The following CEP350 variants were observed in gnomAD, a reference collection of about 807,000 sequenced individuals.
CEP350 encodes the protein centrosomal protein 350.
Under a neutral mutation model 331.8 loss-of-function variants are expected in CEP350, and 126 were observed. The observed-to-expected ratio is 0.38, with a 90% CI of 0.33 to 0.44. CEP350 has a LOEUF of 0.44. Ranked by LOEUF, CEP350 falls within the 20% of genes least tolerant of loss-of-function variation. The probability of loss-of-function intolerance (pLI) is 1.00; values close to 1 mark genes in which losing one functional copy is unlikely to be tolerated. For missense variants in CEP350, 3,406 were observed against 3,634.6 expected (o/e 0.94, Z 1.62); for synonymous variants, 1,200 against 1,259.5 (o/e 0.95, Z 1.00).
At chr1:180,084,900 T>C (rs975852493) in intron 31 of CEP350, among the ~76,000 whole-genome samples, 1 of 151,894 alleles carries the variant, frequency 6.6e-6, no homozygotes, top group Non-Finnish European at 1.5e-5. Flanking sequence ...TAAAATAAAG[T>C]ATTAGATTTT....
At chr1:179,972,913 G>A (rs1370482766) in intron 1 of CEP350, among the ~76,000 whole-genome samples, 3 of 151,116 alleles carry the variant, frequency 2.0e-5, no homozygotes, top group African/African-American at 7.3e-5. Flanking sequence ...CTGTCGCCAG[G>A]CTGGAGTGCA....
At position 180,053,024 on chromosome 1, in the gene CEP350, A is replaced by G. The variant is rs1657608971; in HGVS notation, c.4847A>G (p.Glu1616Gly). 1 of 1,510,536 alleles carries G rather than the reference A, an allele frequency of 6.6e-7. No homozygotes were observed. Among genetic ancestry groups the G allele is most frequent in the Non-Finnish European group, 9.2e-7 (1 of 1,088,920 alleles). The allele number at this position is 1,510,536 out of a possible 1,614,324, so 93.6% of individuals were successfully genotyped here. A position where few individuals can be genotyped will look rare whatever the true frequency, so the allele number is the denominator to read the frequency against. Residue 1616 changes from glutamate to glycine, a missense_variant, in exon 23 of 38, where the codon GAA becomes GGA. Glu to Gly is a moderately conservative substitution (Grantham distance 98, BLOSUM62 -2). Coordinates refer to ENST00000367607, the MANE Select transcript of CEP350 (RefSeq NM_014810.5). ...CTGAAATTTGATGAATCCATGACAG[A>G]AGATGAAATAGAAGAACAATCATTT... Reference protein sequence around the residue: ...YSLKFDESMTEDEIEEQSFRS... With the variant: ...YSLKFDESMTGDEIEEQSFRS...
In CEP350 at chr1:180,093,453, G is replaced by T. The variant is rs1304428894; in HGVS notation, c.7348G>T (p.Val2450Phe). The T allele has an allele frequency of 6.2e-7, 1 of 1,605,998 alleles. No individual in the cohort carries two copies. Among genetic ancestry groups the T allele is most frequent in the African/African-American group, 1.3e-5 (1 of 74,944 alleles). The part of the protein sequence containing the change: ...SEKSLSIHSN[V>F]HSDRLLELKS... ...GAAAAGCCTTTCTATCCATAGCAAT[G>T]TTCATTCTGACAGGCTGTTGGAACT... Residue 2450 changes from valine to phenylalanine, a missense_variant, in exon 34 of 38, where the codon GTT becomes TTT. Around this residue, in one of 5 missense-constraint regions of CEP350, gnomAD observed 1,415 missense variants for 1,512.3 expected, o/e 0.94. Transcript: ENST00000367607.
chr1:180,068,583 G>T (rs995472298), intron 27 of CEP350, among the ~76,000 whole-genome samples: 1 of 152,094 alleles, frequency 6.6e-6, no homozygotes, highest in Admixed American at 6.5e-5. Context: ...GCAATTGACT[G>T]TTCCTGTTTA....
chr1:180,084,230 G>A (rs370029197), intron 31 of CEP350, 52 bp downstream of exon 31: 44 of 1,416,292 alleles, frequency 3.1e-5, no homozygotes, highest in African/African-American at 1.6e-4. Flanking sequence ...TGTATGTGAC[G>A]TCTAAAATGT....
At position 180,053,818 on chromosome 1, in the gene CEP350, G is replaced by T. The variant is rs1328916881; in HGVS notation, c.5058G>T (p.Gln1686His). The T allele has an allele frequency of 6.2e-7, 1 of 1,611,522 alleles. No individual in the cohort carries two copies. The highest frequency in any genetic ancestry group is 1.3e-5 in the African/African-American group (1 of 74,870). Residue 1686 changes from glutamine (Q) to histidine (H), a missense_variant, in exon 24 of 38, where the codon CAG becomes CAT. This residue lies in a region of CEP350 where 104 missense variants were observed against 143.3 expected (regional missense o/e 0.73). Transcript: ENST00000367607. ...FSKFTMEMVRQYMKEEEMRAA... is the reference protein window; with the variant it reads ...FSKFTMEMVRHYMKEEEMRAA... Reference sequence around the variant, plus strand: ...AATTTACTATGGAGATGGTTCGACAGTATATGAAAGAGGAAGAAATGAGGG... The same window carrying T: ...AATTTACTATGGAGATGGTTCGACATTATATGAAAGAGGAAGAAATGAGGG...
At chr1:180,022,966 A>G in intron 13 of CEP350, 118 bp downstream of exon 13, 1 of 906,656 alleles carries the variant, frequency 1.1e-6, no homozygotes, top group South Asian at 1.9e-5. Flanking sequence ...TAGAGGCTGC[A>G]CATCATAGTG....
rs1653492324 is a variant in CEP350, at chr1:179,996,888, C to T, written c.731C>T (p.Ala244Val). 1 of 1,613,940 alleles carries T rather than the reference C, an allele frequency of 6.2e-7. No individual in the cohort carries two copies. The highest frequency in any genetic ancestry group is 1.6e-4 in the Middle Eastern group (1 of 6,062). The change falls in exon 6 of 38, where the codon GCC becomes GTC. Residue 244 changes from alanine to valine, a missense_variant. Around this residue, in one of 5 missense-constraint regions of CEP350, gnomAD observed 1,857 missense variants for 1,909.2 expected, o/e 0.97. Transcript: ENST00000367607. ...TTGAAGCTTTCTGTGAATAACATGG[C>T]CCATGATACTGATCCAAAAGCGTTA... is the stretch of plus-strand genomic sequence containing the variant. The part of the protein sequence containing the change: ...NNLKLSVNNM[A>V]HDTDPKALRL...
At position 180,024,599 on chromosome 1, in the gene CEP350, A is replaced by G. The variant is rs577678342; in HGVS notation, c.3550+17A>G. 3.6e-4 allele frequency: 571 copies of G among 1,594,650 alleles called. No individual in the cohort carries two copies. The highest frequency in any genetic ancestry group is 3.0e-5 in the Non-Finnish European group (35 of 1,171,150). ...AGACAGAATGTAAGTGGAATTCCAC[A>G]TGGTAACTTTTTCTCTTACCAATGA... On this transcript the variant is annotated intron_variant, in intron 14 of 37. Transcript: ENST00000367607.
intron 27 of CEP350, among the ~76,000 whole-genome samples, chr1:180,072,501 TA>T (rs1285147956): frequency 6.6e-6 from 1 of 152,208 alleles, no homozygotes; most frequent in African/African-American, 2.4e-5. Context: ...AATATTTTGA[TA>T]ATTGGCATCA....
intron 37 of CEP350, among the ~76,000 whole-genome samples, chr1:180,106,213 A>T (rs1252429527): frequency 6.6e-6 from 1 of 152,086 alleles, no homozygotes; most frequent in Non-Finnish European, 1.5e-5. Context: ...TTGTAGTAGG[A>T]CCACCTAGCT....
At position 180,096,152 on chromosome 1, in the gene CEP350, G is replaced by A. The variant is rs931052186; in HGVS notation, c.9034G>A (p.Val3012Met). ...AATCAACTCTAGTTATTTCCGACGA[G>A]TGAAAAATCCAAATAACCTTGATGA... ...CRINSSYFRRVKNPNNLDEIK... is the reference protein window; with the variant it reads ...CRINSSYFRRMKNPNNLDEIK... The change falls in exon 36 of 38, where the codon GTG becomes ATG. Residue 3012 changes from valine to methionine, a missense_variant. Physicochemically the swap from Val to Met is conservative, Grantham distance 21 (BLOSUM62 1). Around this residue, in one of 5 missense-constraint regions of CEP350, gnomAD observed 1,415 missense variants for 1,512.3 expected, o/e 0.94. Coordinates refer to ENST00000367607, the MANE Select transcript of CEP350 (RefSeq NM_014810.5). 5 of 1,569,840 alleles carry A rather than the reference G, an allele frequency of 3.2e-6. No individual in the cohort carries two copies. The highest frequency in any genetic ancestry group is 4.3e-6 in the Non-Finnish European group (5 of 1,155,470).
intron 9 of CEP350, among the ~76,000 whole-genome samples, 165 bp from the exon 10 acceptor site, chr1:180,013,682 G>A (rs993905209): frequency 6.6e-6 from 1 of 152,076 alleles, no homozygotes; most frequent in African/African-American, 2.4e-5. Flanking sequence ...TGCTAAAAAG[G>A]GAGGCTTTTC....
intron 32 of CEP350, among the ~76,000 whole-genome samples, chr1:180,088,198 G>C (rs185109549): frequency 7.6e-4 from 116 of 152,150 alleles, no homozygotes; most frequent in African/African-American, 2.7e-3. Context: ...GGCCAAAAAT[G>C]GATGAATAGC....
intron 24 of CEP350, among the ~76,000 whole-genome samples, chr1:180,054,172 G>A (rs1184258272): frequency 1.3e-5 from 2 of 152,152 alleles, no homozygotes; most frequent in Non-Finnish European, 2.9e-5. Flanking sequence ...GTTGTCATAT[G>A]ATGCAATATT....
Position 180,014,503 on chromosome 1 carries a change from C to G in CEP350, c.2050C>G (p.Gln684Glu). The G allele has an allele frequency of 6.3e-7, 1 of 1,599,638 alleles. No homozygotes were observed. Among genetic ancestry groups the G allele is most frequent in the African/African-American group, 1.3e-5 (1 of 74,206 alleles). ...TCATCAACATGTTACGCAGGAAACA[C>G]AGGTAATAGTAGTGACATATACAAA... is the stretch of plus-strand genomic sequence containing the variant. ...PSHQHVTQET[Q>E]AKPGYQPSGE... Residue 684 changes from glutamine to glutamate, a missense_variant and splice_region_variant, in exon 10 of 38, where the codon CAG becomes GAG. By Grantham distance (29) the Gln-to-Glu change is conservative (BLOSUM62 2). Transcript: ENST00000367607.
chr1:180,011,917 G>GTAT lies in CEP350; in HGVS notation c.1247-10_1247-8dup. The GTAT allele has an allele frequency of 6.4e-7, 1 of 1,568,092 alleles. No individual in the cohort carries two copies. Among genetic ancestry groups the GTAT allele is most frequent in the Non-Finnish European group, 8.7e-7 (1 of 1,155,902 alleles). ...ATTTAAGTTTTAATTTCAGTGCCAT[G>GTAT]TATTTTTTTAGGTAGTAGTCATCTT... On this transcript the variant is annotated splice_polypyrimidine_tract_variant and intron_variant, in intron 8 of 37. Transcript: ENST00000367607.
intron 1 of CEP350, among the ~76,000 whole-genome samples, chr1:179,975,994 A>G (rs1651834921): frequency 6.6e-6 from 1 of 152,214 alleles, no homozygotes. Flanking sequence ...AAGAGAAAAA[A>G]ACAATCAAGA....
intron 5 of CEP350, among the ~76,000 whole-genome samples, chr1:179,993,933 T>C (rs973366634): frequency 3.9e-5 from 6 of 152,216 alleles, no homozygotes; most frequent in African/African-American, 1.4e-4. Flanking sequence ...GCTCCCAAAG[T>C]ACTGTGTAAC....
Sources: gnomAD v4.1 joint callset for allele counts (sites outside exome capture counted in the v4.1 genomes callset) on GRCh38, gnomAD v4.1.1 for gene constraint, gnomAD v4.1.1 regional missense constraint, MANE v1.5 for transcripts, NCBI Gene and HGNC (gene_info 2026-07-23, HGNC 2026-07-21) for gene names.